The following LRRC57 variants were observed in gnomAD, a reference collection of about 807,000 sequenced individuals.
The protein encoded by LRRC57 is leucine rich repeat containing 57.
LRRC57 carries 14 observed loss-of-function variants against 23.1 expected under a neutral mutation model. That is an observed-to-expected ratio of 0.61 (90% CI 0.40 to 0.95). The LOEUF (loss-of-function observed/expected upper bound fraction) is 0.95, where lower values mean the gene tolerates loss of function less well. Among genes scored for constraint, LRRC57 ranks in the 40% least tolerant of loss-of-function variants. The pLI is 0.00. For synonymous variants in LRRC57, 106 were observed against 115.2 expected, an observed-to-expected ratio of 0.92 and a Z score of 0.51; for missense variants, 236 against 284.4, an observed-to-expected ratio of 0.83 and a Z score of 1.22.
chr15:42,536,719 C>G (rs1012478366), downstream of LRRC57, among the ~76,000 whole-genome samples: 1 of 152,198 alleles, frequency 6.6e-6, no homozygotes, highest in African/African-American at 2.4e-5. Context: ...ATAACATTGT[C>G]TGGAAACTTG....
Position 42,548,785 on chromosome 15 carries a change from A to C in LRRC57, c.-115T>G, listed in dbSNP as rs1282914818. ...CTCCCCGGCTTAGTCCCGGGCGGGA[A>C]CGCCCTGTGACGTCATCGAGCCGCG... is the stretch of plus-strand genomic sequence containing the variant. On this transcript the variant is annotated 5_prime_UTR_variant, in exon 1 of 6. Coordinates refer to ENST00000397130, the MANE Select transcript of LRRC57 (RefSeq NM_153260.3). 1 of 964,828 alleles carries C rather than the reference A, an allele frequency of 1.0e-6. No individual in the cohort carries two copies. Among genetic ancestry groups the C allele is most frequent in the African/African-American group, 1.6e-5 (1 of 61,312 alleles). The allele number at this position is 964,828 out of a possible 1,614,324, so 59.8% of individuals were successfully genotyped here.
chr15:42,537,256 C>CACACACACACACAT (rs1295019605), downstream of LRRC57, among the ~76,000 whole-genome samples: 3 of 151,812 alleles, frequency 2.0e-5, no homozygotes, highest in African/African-American at 7.3e-5. Flanking sequence ...CACACACACA[C>CACACACACACACAT]ACACACACGC....
chr15:42,547,481 C>T lies in LRRC57; in HGVS notation c.272G>A (p.Ser91Asn), dbSNP rs750894397. Reference protein sequence around the residue: ...ICNLKKLETLSLNNNHLRELP... With the variant: ...ICNLKKLETLNLNNNHLRELP... The stretch of plus-strand genomic sequence containing the variant: ...CTCTCTAAGGTGATTGTTGTTTAGG[C>T]TTAGCGTCTCTAGTTTTTTCAGATT... The change falls in exon 4 of 6, where the codon AGC (serine) becomes AAC (asparagine). Residue 91 changes from serine (S) to asparagine (N), a missense_variant. Transcript: ENST00000397130. The T allele has an allele frequency of 3.1e-6, 5 of 1,613,866 alleles. No homozygotes were observed. Among genetic ancestry groups the T allele is most frequent in the Non-Finnish European group, 4.2e-6 (5 of 1,179,830 alleles).
the LRRC57 span, among the ~76,000 whole-genome samples, chr15:42,530,155 C>T: frequency 2.6e-5 from 4 of 152,134 alleles, no homozygotes; most frequent in Admixed American, 2.6e-4. Context: ...AGAATGGGGT[C>T]TTGCTCTGTC....
rs1286469446 is a variant in LRRC57 at position 42,538,125 on chromosome 15, T to C, written c.*5958A>G. The C allele has an allele frequency of 6.6e-6, 1 of 152,188 alleles. No individual in the cohort carries two copies. Among genetic ancestry groups the C allele is most frequent in the Non-Finnish European group, 1.5e-5 (1 of 68,038 alleles). The allele number at this position is 152,188 out of a possible 1,614,324, so 9.4% of individuals were successfully genotyped here. On this transcript the variant is annotated 3_prime_UTR_variant, in exon 6 of 6. Transcript: ENST00000397130. The stretch of plus-strand genomic sequence containing the variant: ...ATATCCTGACTTGATCATTATACAT[T>C]CTATGCATGTCTCAGAATATCACAA...
At position 42,548,789 on chromosome 15, in the gene LRRC57, C is replaced by T. The variant is rs1049880041; in HGVS notation, c.-119G>A. 3 of 1,047,146 alleles carry T rather than the reference C, an allele frequency of 2.9e-6. No individual in the cohort carries two copies. The highest frequency in any genetic ancestry group is 4.2e-6 in the Non-Finnish European group (3 of 707,428). 64.9% of individuals were successfully genotyped at this position (1,047,146 alleles called of 1,614,324 possible). A position where few individuals can be genotyped will look rare whatever the true frequency, so the allele number is the denominator to read the frequency against. ...CCGGCTTAGTCCCGGGCGGGAACGC[C>T]CTGTGACGTCATCGAGCCGCGCCGT... On this transcript the variant is annotated 5_prime_UTR_variant, in exon 1 of 6. Transcript: ENST00000397130.
At chr15:42,532,541 G>A in the LRRC57 span, 1 of 152,484 alleles carries the variant, frequency 6.6e-6, no homozygotes, top group African/African-American at 2.4e-5. Flanking sequence ...TTCCATTACA[G>A]GCCTATTAAC....
rs1247950745 is a variant in LRRC57, at chr15:42,542,533, ATTCT to A, written c.*1546_*1549del. On this transcript the variant is annotated 3_prime_UTR_variant, in exon 6 of 6. Transcript: ENST00000397130. ...GCTTCCAGCCAAAGTTCATTAAAAA[ATTCT>A]TTATTTAGTATATTCTGTCACTCAG... The A allele has an allele frequency of 6.6e-6, 1 of 152,590 alleles. No homozygotes were observed. The highest frequency in any genetic ancestry group is 2.4e-5 in the African/African-American group (1 of 41,446). The allele number at this position is 152,590 out of a possible 1,614,324, so 9.5% of individuals were successfully genotyped here. A position where few individuals can be genotyped will look rare whatever the true frequency, so the allele number is the denominator to read the frequency against.
chr15:42,538,233 T>A lies in LRRC57; in HGVS notation c.*5850A>T, dbSNP rs1044389949. ...ACAAAGTAGCTTATCTAAGTGCTGT[T>A]TTCTTTAGGTCACTCTTACCAAAAC... On this transcript the variant is annotated 3_prime_UTR_variant, in exon 6 of 6. Coordinates refer to ENST00000397130, the MANE Select transcript of LRRC57 (RefSeq NM_153260.3). 1 of 152,200 alleles carries A rather than the reference T, an allele frequency of 6.6e-6. No homozygotes were observed. The highest frequency in any genetic ancestry group is 2.1e-4 in the South Asian group (1 of 4,830). 9.4% of individuals were successfully genotyped at this position (152,200 alleles called of 1,614,324 possible). A position where few individuals can be genotyped will look rare whatever the true frequency, so the allele number is the denominator to read the frequency against.
chr15:42,531,469 T>A, the LRRC57 span: 6 of 1,602,234 alleles, frequency 3.7e-6, no homozygotes, highest in Non-Finnish European at 5.1e-6. Context: ...AGAAACTCAT[T>A]GACAGCTAAA....
the LRRC57 span, chr15:42,531,783 A>G: frequency 4.7e-6 from 1 of 213,140 alleles, no homozygotes; most frequent in Non-Finnish European, 9.3e-6. Flanking sequence ...AAGATTTGGA[A>G]GCATTGCCAA....
chr15:42,532,202 C>T, the LRRC57 span: 5 of 152,234 alleles, frequency 3.3e-5, no homozygotes, highest in Non-Finnish European at 5.9e-5. Context: ...AGCAATTCTC[C>T]TGCCTTGCCT....
chr15:42,531,401 C>T, the LRRC57 span: 1 of 1,528,128 alleles, frequency 6.5e-7, no homozygotes, highest in East Asian at 2.4e-5. Flanking sequence ...TGATATCTTT[C>T]TTGTTTTTCA....
In LRRC57 at chr15:42,540,854, C is replaced by T. The variant is rs1289616947; in HGVS notation, c.*3229G>A. 1 of 151,870 alleles carries T rather than the reference C, an allele frequency of 6.6e-6. No individual in the cohort carries two copies. 9.4% of individuals were successfully genotyped at this position (151,870 alleles called of 1,614,324 possible). ...ACTAGCCTGGCCAACATGGTGAAAC[C>T]CCATCTCTACTAAAATACAAAAAAT... On this transcript the variant is annotated 3_prime_UTR_variant, in exon 6 of 6. Coordinates refer to ENST00000397130, the MANE Select transcript of LRRC57 (RefSeq NM_153260.3).
intron 1 of LRRC57, 51 bp downstream of exon 1, chr15:42,548,642 A>G: frequency 1.6e-6 from 1 of 629,268 alleles, no homozygotes; most frequent in Non-Finnish European, 2.7e-6. Flanking sequence ...AGCTCTGCGG[A>G]GGCCAGGCGC....
At chr15:42,532,479 C>T in the LRRC57 span, 2 of 152,286 alleles carry the variant, frequency 1.3e-5, no homozygotes, top group Non-Finnish European at 2.9e-5. Context: ...CATTCAGGAA[C>T]ACTTTATATA....
At chr15:42,532,700 T>C in the LRRC57 span, 1 of 152,682 alleles carries the variant, frequency 6.5e-6, no homozygotes, top group Non-Finnish European at 1.5e-5. Context: ...ATGCTAAGAA[T>C]TATGTTTAGT....
rs923933271 is a variant in LRRC57 at position 42,542,610 on chromosome 15, G to T, written c.*1473C>A. ...GTTGTTTTAAAATATTATAGTAATG[G>T]TTTATTGATAGGTAATTTGGTTAGT... On this transcript the variant is annotated 3_prime_UTR_variant, in exon 6 of 6. Coordinates refer to ENST00000397130, the MANE Select transcript of LRRC57 (RefSeq NM_153260.3). 2 of 152,574 alleles carry T rather than the reference G, an allele frequency of 1.3e-5. No homozygotes were observed. The highest frequency in any genetic ancestry group is 4.8e-5 in the African/African-American group (2 of 41,430). 9.5% of individuals were successfully genotyped at this position (152,574 alleles called of 1,614,324 possible).
downstream of LRRC57, among the ~76,000 whole-genome samples, chr15:42,533,560 C>T (rs1017946479): frequency 2.0e-5 from 3 of 151,984 alleles, no homozygotes; most frequent in Non-Finnish European, 4.4e-5. Flanking sequence ...AACCATTTAC[C>T]ATAAAAAAAA....
Sources: allele counts gnomAD v4.1 joint callset (sites outside exome capture counted in the v4.1 genomes callset), GRCh38; gene constraint gnomAD v4.1.1; transcripts MANE v1.5; gene names NCBI Gene and HGNC (gene_info 2026-07-23, HGNC 2026-07-21).